The following PLPPR1 variants were observed in gnomAD, a reference collection of about 807,000 sequenced individuals.
The protein encoded by PLPPR1 is phospholipid phosphatase related 1.
PLPPR1 carries 10 observed loss-of-function variants against 33.1 expected under a neutral mutation model. The observed-to-expected ratio is 0.30, with a 90% CI of 0.19 to 0.51. PLPPR1 has a LOEUF of 0.51. Among genes scored for constraint, PLPPR1 ranks in the 20% least tolerant of loss-of-function variants. The pLI, the probability that PLPPR1 is intolerant of heterozygous loss-of-function variation, is 0.97. For missense variants in PLPPR1, 304 were observed against 408.1 expected (o/e 0.74, Z 2.20); for synonymous variants, 151 against 151.0 (o/e 1.00, Z 0.00).
At chr9:101,061,911 A>G (rs1406308828) in intron 1 of PLPPR1, among the ~76,000 whole-genome samples, 1 of 152,054 alleles carries the variant, frequency 6.6e-6, no homozygotes, top group Non-Finnish European at 1.5e-5. Context: ...ATCAAGAAAT[A>G]ACTATCTAGC....
chr9:101,065,530 A>G (rs1830400648), intron 1 of PLPPR1, among the ~76,000 whole-genome samples: 1 of 152,112 alleles, frequency 6.6e-6, no homozygotes, highest in African/African-American at 2.4e-5. Flanking sequence ...CAAATGGGTC[A>G]AAAATATTCT....
chr9:101,254,181 A>G lies in PLPPR1; in HGVS notation c.64-15699A>G, dbSNP rs186432764. On this transcript the variant is annotated intron_variant, in intron 2 of 7. Transcript: ENST00000374874. ...ATTTTATTTCTATTATTATTAAAAT[A>G]TAACATATAATGAAATAATTATACA... 5.4e-4 allele frequency among the ~76,000 whole-genome samples: 82 copies of G among 151,750 alleles called. No individual in the cohort carries two copies. The South Asian group carries it at 8.7e-3, about 16-fold the overall frequency.
intron 1 of PLPPR1, among the ~76,000 whole-genome samples, chr9:101,170,732 T>A (rs1825930440): frequency 6.6e-6 from 1 of 152,124 alleles, no homozygotes; most frequent in African/African-American, 2.4e-5. Context: ...GTCCAGGGGT[T>A]TAAGATCAGC....
chr9:101,241,453 G>A (rs543041629), intron 2 of PLPPR1, among the ~76,000 whole-genome samples: 1 of 152,220 alleles, frequency 6.6e-6, no homozygotes, highest in African/African-American at 2.4e-5. Flanking sequence ...AAAATCTCAT[G>A]TTTTAAGAAA....
intron 1 of PLPPR1, among the ~76,000 whole-genome samples, chr9:101,070,328 A>G (rs1231778908): frequency 6.6e-6 from 1 of 152,110 alleles, no homozygotes; most frequent in Non-Finnish European, 1.5e-5. Context: ...CAATACTACT[A>G]TATTTTGCTC....
chr9:101,170,675 C>A (rs1309078048), intron 1 of PLPPR1, among the ~76,000 whole-genome samples: 1 of 152,182 alleles, frequency 6.6e-6, no homozygotes, highest in Admixed American at 6.6e-5. Flanking sequence ...GTGGCCCATG[C>A]CTGTAATCTC....
intron 1 of PLPPR1, among the ~76,000 whole-genome samples, chr9:101,061,090 G>A (rs1368633411): frequency 6.6e-6 from 1 of 151,890 alleles, no homozygotes; most frequent in Non-Finnish European, 1.5e-5. Flanking sequence ...ACTTCCCAGT[G>A]TGGATTATAC....
chr9:101,250,168 C>T (rs1366231182), intron 2 of PLPPR1, among the ~76,000 whole-genome samples: 5 of 151,918 alleles, frequency 3.3e-5, no homozygotes, highest in Admixed American at 6.6e-5. Flanking sequence ...CTAGCTCTTC[C>T]TCCCTTCTCA....
chr9:101,111,807 T>C (rs1831060881), intron 1 of PLPPR1, among the ~76,000 whole-genome samples: 1 of 152,170 alleles, frequency 6.6e-6, no homozygotes, highest in African/African-American at 2.4e-5. Flanking sequence ...TTGACCCAAT[T>C]GAATCATATC....
At chr9:101,095,944 AG>A (rs887132376) in intron 1 of PLPPR1, among the ~76,000 whole-genome samples, 9 of 152,208 alleles carry the variant, frequency 5.9e-5, no homozygotes, top group African/African-American at 2.2e-4. Flanking sequence ...ACCAATCAAA[AG>A]CTTCCCTGAA....
intron 1 of PLPPR1, among the ~76,000 whole-genome samples, chr9:101,148,889 C>G (rs1000015703): frequency 6.6e-6 from 1 of 152,068 alleles, no homozygotes. Context: ...GTCATTCTCC[C>G]TTCATCCCCA....
chr9:101,315,442 A>C (rs1829034529), intron 6 of PLPPR1, among the ~76,000 whole-genome samples: 1 of 152,188 alleles, frequency 6.6e-6, no homozygotes, highest in Non-Finnish European at 1.5e-5. Context: ...TGACTGTTCC[A>C]AGCAATTTTG....
intron 1 of PLPPR1, among the ~76,000 whole-genome samples, chr9:101,117,010 T>C (rs1014750118): frequency 4.6e-5 from 7 of 152,224 alleles, no homozygotes; most frequent in African/African-American, 1.7e-4. Flanking sequence ...AGGGATATCA[T>C]ATCATCGTTC....
chr9:101,042,436 G>A (rs1411668652), intron 1 of PLPPR1, among the ~76,000 whole-genome samples: 1 of 152,038 alleles, frequency 6.6e-6, no homozygotes, highest in Admixed American at 6.6e-5. Context: ...CACTTCTTTT[G>A]TCTAGGAATT....
chr9:101,100,122 G>A (rs1054528831), intron 1 of PLPPR1, among the ~76,000 whole-genome samples: 2 of 150,966 alleles, frequency 1.3e-5, no homozygotes, highest in African/African-American at 4.9e-5. Context: ...TTTTTCTTAC[G>A]TGCAATATTC....
intron 2 of PLPPR1, among the ~76,000 whole-genome samples, chr9:101,201,359 C>T (rs1190567403): frequency 6.6e-6 from 1 of 152,156 alleles, no homozygotes; most frequent in Non-Finnish European, 1.5e-5. Flanking sequence ...AATATAAGTT[C>T]CTCTTAGCTG....
At chr9:101,233,091 T>C (rs1417126503) in intron 2 of PLPPR1, among the ~76,000 whole-genome samples, 2 of 151,962 alleles carry the variant, frequency 1.3e-5, no homozygotes, top group Non-Finnish European at 2.9e-5. Context: ...CAAATAGACT[T>C]GAGTTAGCTT....
intron 2 of PLPPR1, among the ~76,000 whole-genome samples, chr9:101,191,985 C>A (rs1463068109): frequency 6.6e-6 from 1 of 152,170 alleles, no homozygotes. Flanking sequence ...CAGCTTGAAC[C>A]TAGCAGGTGA....
intron 1 of PLPPR1, among the ~76,000 whole-genome samples, chr9:101,168,390 G>T (rs1019070030): frequency 9.2e-5 from 14 of 152,086 alleles, no homozygotes; most frequent in African/African-American, 3.4e-4. Context: ...GGGATGTTCT[G>T]TTCCATACTT....
Sources: allele counts gnomAD v4.1 joint callset (sites outside exome capture counted in the v4.1 genomes callset), GRCh38; gene constraint gnomAD v4.1.1; transcripts MANE v1.5; gene names NCBI Gene and HGNC (gene_info 2026-07-23, HGNC 2026-07-21).